The following EPS15L1 variants were observed in gnomAD, a reference collection of about 807,000 sequenced individuals.
EPS15L1 encodes the protein epidermal growth factor receptor substrate 15-like 1.
EPS15L1 carries 43 observed loss-of-function variants against 117.1 expected under a neutral mutation model. The observed-to-expected ratio is 0.37, with a 90% CI of 0.29 to 0.47. EPS15L1 has a LOEUF of 0.47. EPS15L1 is among the 20% of genes least tolerant of loss of function. EPS15L1 has a pLI of 0.99. For missense variants in EPS15L1, 981 were observed against 1,164.0 expected (o/e 0.84, Z 2.29); for synonymous variants, 459 against 470.5 (o/e 0.98, Z 0.32).
At chr19:16,440,807 C>T in intron 4 of EPS15L1, 55 bp downstream of exon 4, 1 of 1,560,912 alleles carries the variant, frequency 6.4e-7, no homozygotes, top group African/African-American at 1.4e-5. Flanking sequence ...GGAGGTCACC[C>T]AGCCTGGGGG....
intron 1 of EPS15L1, among the ~76,000 whole-genome samples, chr19:16,444,231 A>C (rs149585078): frequency 2.0e-5 from 3 of 152,164 alleles, no homozygotes; most frequent in African/African-American, 7.2e-5. Flanking sequence ...AAAAACTAGA[A>C]TAACATGAAA....
chr19:16,425,396 T>A (rs1191899220), intron 8 of EPS15L1, 80 bp from the exon 9 acceptor site: 2 of 973,174 alleles, frequency 2.1e-6, no homozygotes, highest in Non-Finnish European at 3.2e-6. Context: ...GGCAGCCCTT[T>A]GGGGGCTGCA....
intron 16 of EPS15L1, among the ~76,000 whole-genome samples, chr19:16,398,301 AGCCTCCG>A (rs2092561416): frequency 6.6e-6 from 1 of 152,230 alleles, no homozygotes; most frequent in Non-Finnish European, 1.5e-5. Flanking sequence ...GAATAGCTGG[AGCCTCCG>A]ACCACAGGGT....
chr19:16,436,690 G>T, intron 6 of EPS15L1: 1 of 432,786 alleles, frequency 2.3e-6, no homozygotes, highest in Admixed American at 3.9e-5. Flanking sequence ...CTGACACTTA[G>T]TTGTCCAGGT....
chr19:16,461,926 C>G (rs1413528009), intron 1 of EPS15L1, among the ~76,000 whole-genome samples: 1 of 152,202 alleles, frequency 6.6e-6, no homozygotes, highest in Admixed American at 6.5e-5. Context: ...GGCTGCTGTT[C>G]CAAGTACCCA....
chr19:16,386,561 C>T lies in EPS15L1; in HGVS notation c.2104-330G>A, dbSNP rs551107011. Reference sequence around the variant, plus strand: ...ATAGCAGGAGGTTGAGTTTCCATTCCGCCAGCTACAGCAGGAAGGCACAGT... The same window carrying T: ...ATAGCAGGAGGTTGAGTTTCCATTCTGCCAGCTACAGCAGGAAGGCACAGT... On this transcript the variant is annotated intron_variant, in intron 19 of 23. Transcript: ENST00000455140. Among the ~76,000 whole-genome samples, 55 of 152,322 alleles carry T rather than the reference C, an allele frequency of 3.6e-4. No homozygotes were observed. In the South Asian group the frequency reaches 0.011, roughly 30 times the overall value.
chr19:16,406,453 G>C (rs1003651476), intron 13 of EPS15L1, among the ~76,000 whole-genome samples: 12 of 152,212 alleles, frequency 7.9e-5, no homozygotes, highest in Non-Finnish European at 7.3e-5. Flanking sequence ...GGTGTCCAGT[G>C]GGGGGCACAG....
chr19:16,360,605 T>C (rs1271809034), intron 23 of EPS15L1, among the ~76,000 whole-genome samples: 2 of 151,808 alleles, frequency 1.3e-5, no homozygotes, highest in African/African-American at 4.8e-5. Flanking sequence ...ACATTAGCCT[T>C]GCGTGGTGTT....
At chr19:16,363,639 G>A (rs539687499) in intron 22 of EPS15L1, among the ~76,000 whole-genome samples, 2 of 152,246 alleles carry the variant, frequency 1.3e-5, no homozygotes, top group Admixed American at 6.5e-5. Context: ...GCTGGCCTCC[G>A]TTTCCTTATC....
chr19:16,408,297 G>A (rs984295477), intron 13 of EPS15L1, among the ~76,000 whole-genome samples: 1 of 152,098 alleles, frequency 6.6e-6, no homozygotes, highest in Non-Finnish European at 1.5e-5. Flanking sequence ...AATCCCAGCT[G>A]GCTTCTTTGC....
At chr19:16,385,313 G>A in intron 20 of EPS15L1, 102 bp from the exon 21 acceptor site, 2 of 955,490 alleles carry the variant, frequency 2.1e-6, no homozygotes, top group South Asian at 2.7e-5. Context: ...AGGAGACTCA[G>A]GAAGGCTGCA....
chr19:16,399,110 A>C (rs892948220), intron 16 of EPS15L1, among the ~76,000 whole-genome samples: 1 of 152,148 alleles, frequency 6.6e-6, no homozygotes, highest in African/African-American at 2.4e-5. Context: ...CTGCACTGAC[A>C]GTCAGGCCTG....
intron 1 of EPS15L1, among the ~76,000 whole-genome samples, chr19:16,447,054 C>T (rs963339705): frequency 7.2e-5 from 11 of 152,188 alleles, no homozygotes; most frequent in Admixed American, 6.5e-4. Flanking sequence ...TCTGCCTTCC[C>T]CTTAGAGGCC....
intron 21 of EPS15L1, among the ~76,000 whole-genome samples, 166 bp downstream of exon 21, chr19:16,384,963 A>C (rs2290669): frequency 0.71 from 107,672 of 152,122 alleles, 38,995 homozygotes; most frequent in Middle Eastern, 0.81. Flanking sequence ...ACGGGACTGC[A>C]GTGCATTGGA....
chr19:16,394,079 C>G, intron 17 of EPS15L1, 78 bp from the exon 18 acceptor site: 1 of 1,273,174 alleles, frequency 7.9e-7, no homozygotes, highest in Admixed American at 1.7e-5. Flanking sequence ...CAGCCACCCA[C>G]CTCCCAAGCC....
chr19:16,402,001 T>G, intron 16 of EPS15L1: 1 of 1,099,996 alleles, frequency 9.1e-7, no homozygotes, highest in Non-Finnish European at 1.1e-6. Context: ...CCAATTTTGG[T>G]TAAGTTTGAG....
chr19:16,416,434 G>A (rs934272726), intron 12 of EPS15L1, among the ~76,000 whole-genome samples: 5 of 152,122 alleles, frequency 3.3e-5, no homozygotes, highest in Admixed American at 6.5e-5. Flanking sequence ...TCAGGAGTTC[G>A]AGACCAGCCT....
At chr19:16,452,633 GAAAAAA>G (rs58224667) in intron 1 of EPS15L1, among the ~76,000 whole-genome samples, 3 of 87,980 alleles carry the variant, frequency 3.4e-5, no homozygotes, top group African/African-American at 1.1e-4. Flanking sequence ...AATGTCATCT[GAAAAAA>G]AAAAAAAAAA....
At chr19:16,401,620 G>A (rs980773322) in intron 16 of EPS15L1, 8 of 985,360 alleles carry the variant, frequency 8.1e-6, no homozygotes, top group Middle Eastern at 5.2e-4. Flanking sequence ...AGACTCTGGT[G>A]TGAACAGGGG....
Sources: allele counts gnomAD v4.1 joint callset (sites outside exome capture counted in the v4.1 genomes callset), GRCh38; gene constraint gnomAD v4.1.1; transcripts MANE v1.5; gene names NCBI Gene and HGNC (gene_info 2026-07-23, HGNC 2026-07-21).